The following PGAP2 variants were observed in gnomAD, a reference collection of about 807,000 sequenced individuals.
The protein encoded by PGAP2 is post-GPI attachment to proteins 2.
In PGAP2, 21 loss-of-function variants were observed where a neutral mutation model predicts 33.2. That is an observed-to-expected ratio of 0.63 (90% CI 0.45 to 0.91). The LOEUF is 0.91. Among genes scored for constraint, PGAP2 ranks in the 40% least tolerant of loss-of-function variants. The pLI is 0.00. For synonymous variants in PGAP2, 161 were observed against 172.9 expected (o/e 0.93, Z 0.54); for missense variants, 345 against 424.0 (o/e 0.81, Z 1.64).
chr11:3,808,450 G>A (rs2084846339), upstream of PGAP2: 6 of 1,503,154 alleles, frequency 4.0e-6, no homozygotes, highest in South Asian at 1.2e-5. Context: ...GCCAGATTGA[G>A]GAGGAGAGCC....
intron 1 of PGAP2, among the ~76,000 whole-genome samples, chr11:3,800,080 G>C (rs530856526): frequency 6.6e-6 from 1 of 152,228 alleles, no homozygotes; most frequent in African/African-American, 2.4e-5. Context: ...ATCAATATAT[G>C]GTTGGCCAAA....
upstream of PGAP2, among the ~76,000 whole-genome samples, chr11:3,807,011 ACT>A (rs2084481018): frequency 7.1e-6 from 1 of 141,088 alleles, no homozygotes. Flanking sequence ...ACAGAGTGAG[ACT>A]CTGTCTCCAA....
chr11:3,806,963 G>C (rs1361170191), upstream of PGAP2, among the ~76,000 whole-genome samples: 2 of 151,816 alleles, frequency 1.3e-5, no homozygotes, highest in Middle Eastern at 3.2e-3. Flanking sequence ...GGAGGTTGCA[G>C]TGAGCCGAGA....
chr11:3,807,208 G>A (rs1490348776), upstream of PGAP2, among the ~76,000 whole-genome samples: 7 of 149,410 alleles, frequency 4.7e-5, no homozygotes, highest in East Asian at 1.4e-3. Flanking sequence ...GCAGTAGCGG[G>A]CGCCTGTTAA....
chr11:3,808,610 G>A lies in PGAP2; in HGVS notation c.-52G>A. 7.5e-7 allele frequency: 1 copy of A among 1,327,706 alleles called. No individual in the cohort carries two copies. The highest frequency in any genetic ancestry group is 9.6e-7 in the Non-Finnish European group (1 of 1,038,342). The allele number at this position is 1,327,706 out of a possible 1,614,324, so 82.2% of individuals were successfully genotyped here. On this transcript the variant is annotated 5_prime_UTR_variant, in exon 1 of 7. Transcript: ENST00000278243. ...GCCAGCCCCCGACCCCGGGCCACCT[G>A]GGCCCCCGGGTTCCGCCGGCACTCT...
intron 1 of PGAP2, among the ~76,000 whole-genome samples, chr11:3,800,090 A>G (rs995791458): frequency 6.6e-6 from 1 of 152,216 alleles, no homozygotes; most frequent in Non-Finnish European, 1.5e-5. Context: ...GGTTGGCCAA[A>G]TAGTAAAGTT....
chr11:3,819,874 G>A (rs928251222), intron 3 of PGAP2, among the ~76,000 whole-genome samples: 2 of 152,076 alleles, frequency 1.3e-5, no homozygotes, highest in African/African-American at 2.4e-5. Flanking sequence ...GTACATGATG[G>A]AAGAGACAGT....
chr11:3,822,290 G>C (rs1300830020), intron 3 of PGAP2, among the ~76,000 whole-genome samples: 1 of 152,144 alleles, frequency 6.6e-6, no homozygotes, highest in Non-Finnish European at 1.5e-5. Context: ...CGTGAACCCG[G>C]GAGGCGGAGC....
Position 3,825,712 on chromosome 11 carries a change from C to T in PGAP2, c.*254C>T. 6.8e-6 allele frequency: 2 copies of T among 293,326 alleles called. No homozygotes were observed. The highest frequency in any genetic ancestry group is 1.2e-5 in the Non-Finnish European group (2 of 160,400). 18.2% of individuals were successfully genotyped at this position (293,326 alleles called of 1,614,324 possible). A position where few individuals can be genotyped will look rare whatever the true frequency, so the allele number is the denominator to read the frequency against. On this transcript the variant is annotated 3_prime_UTR_variant, in exon 7 of 7. Coordinates refer to ENST00000278243, the MANE Select transcript of PGAP2 (RefSeq NM_014489.4). ...GAAGCTGAGCTGGCAGAGAGCTCCA[C>T]CATTTGGTGCTAAAAAAAAAAACGT...
chr11:3,808,275 T>C (rs1225647605), upstream of PGAP2: 6 of 1,551,262 alleles, frequency 3.9e-6, no homozygotes, highest in Non-Finnish European at 2.6e-6. Context: ...GTTGAATTAA[T>C]TTTGTGTTCT....
intron 3 of PGAP2, chr11:3,822,895 C>T (rs1468676888): frequency 7.0e-7 from 1 of 1,430,652 alleles, no homozygotes; most frequent in Non-Finnish European, 9.5e-7. Context: ...ATTATCTTCT[C>T]CTTTTTCCTT....
At chr11:3,808,178 G>A, upstream of PGAP2, 2 of 1,486,794 alleles carry the variant, frequency 1.3e-6, no homozygotes, top group Non-Finnish European at 9.2e-7. Flanking sequence ...CTGGCTTAAT[G>A]TTTCAGAAGG....
At chr11:3,814,731 C>T (rs913181322) in intron 2 of PGAP2, among the ~76,000 whole-genome samples, 5 of 102,252 alleles carry the variant, frequency 4.9e-5, no homozygotes, top group African/African-American at 1.4e-4. Context: ...TTCTTTCCTT[C>T]TTTCCTTCTT....
rs894974138 is a variant in PGAP2, at chr11:3,811,103, G to C, written c.-10-147G>C. 1 of 618,992 alleles carries C rather than the reference G, an allele frequency of 1.6e-6. No homozygotes were observed. The highest frequency in any genetic ancestry group is 2.8e-5 in the East Asian group (1 of 35,424). The allele number at this position is 618,992 out of a possible 1,614,324, so 38.3% of individuals were successfully genotyped here. On this transcript the variant is annotated intron_variant, in intron 1 of 6. Coordinates refer to ENST00000278243, the MANE Select transcript of PGAP2 (RefSeq NM_014489.4). The surrounding 1 kb of genome is among the most constrained non-coding windows in gnomAD (Gnocchi z 4.6). ...AGTCAGTCTTCCTCATCCAGGGCAA[G>C]AGCTATCCAAGTTTAGGTGCCTTCC...
chr11:3,823,163 G>A (rs1554939783), intron 3 of PGAP2, among the ~76,000 whole-genome samples: 2 of 149,670 alleles, frequency 1.3e-5, no homozygotes, highest in Non-Finnish European at 3.0e-5. Context: ...AGCCTCCTGA[G>A]TAGCTGGGAC....
At chr11:3,815,687 G>A (rs1475927667) in intron 2 of PGAP2, among the ~76,000 whole-genome samples, 2 of 152,188 alleles carry the variant, frequency 1.3e-5, no homozygotes, top group African/African-American at 4.8e-5. Context: ...GGTGGCCTGG[G>A]CAGTACAGGC....
At chr11:3,798,027 G>A in intron 1 of PGAP2, 1 of 1,537,340 alleles carries the variant, frequency 6.5e-7, no homozygotes, top group Non-Finnish European at 8.8e-7. Context: ...CGGCGCTGCT[G>A]GGAAGGCTTC....
chr11:3,798,685 C>G (rs1271419000), intron 1 of PGAP2, among the ~76,000 whole-genome samples: 4 of 147,142 alleles, frequency 2.7e-5, no homozygotes, highest in Non-Finnish European at 6.0e-5. Flanking sequence ...CCTCTTTCTC[C>G]CAGGCTGGAG....
intron 1 of PGAP2, chr11:3,798,239 G>A (rs911140322): frequency 2.2e-6 from 2 of 892,328 alleles, no homozygotes; most frequent in South Asian, 4.6e-5. Flanking sequence ...CATTAGAGAT[G>A]CCCTAAGGGA....
Sources: allele counts gnomAD v4.1 joint callset (sites outside exome capture counted in the v4.1 genomes callset), GRCh38; gene constraint gnomAD v4.1.1; non-coding constraint Gnocchi (gnomAD v3.1); transcripts MANE v1.5; gene names NCBI Gene and HGNC (gene_info 2026-07-23, HGNC 2026-07-21).